The following UGT1A8 variants were observed in gnomAD, a reference collection of about 807,000 sequenced individuals.
UGT1A8 encodes UDP-glucuronosyltransferase 1A8.
In UGT1A8, 39 loss-of-function variants were observed where a neutral mutation model predicts 45.3. The ratio of observed to expected loss-of-function variants is 0.86; its 90% CI spans 0.67 to 1.12. The LOEUF (loss-of-function observed/expected upper bound fraction) is 1.12, where lower values mean the gene tolerates loss of function less well. Among genes scored for constraint, UGT1A8 ranks in the 50% most tolerant of loss-of-function variants. UGT1A8 has a pLI of 0.00. For synonymous variants in UGT1A8, 275 were observed against 249.2 expected, an observed-to-expected ratio of 1.10 and a Z score of -0.97; for missense variants, 719 against 664.9, an observed-to-expected ratio of 1.08 and a Z score of -0.90.
intron 1 of UGT1A8, among the ~76,000 whole-genome samples, chr2:233,737,818 G>C (rs554188879): frequency 2.0e-5 from 3 of 152,134 alleles, no homozygotes; most frequent in South Asian, 2.1e-4. Flanking sequence ...CAGTGGAGCA[G>C]AACAAATTGG....
intron 1 of UGT1A8, chr2:233,636,765 C>A: frequency 6.2e-7 from 1 of 1,614,196 alleles, no homozygotes; most frequent in Non-Finnish European, 8.5e-7. Context: ...CAACCTCGTA[C>A]ACTCTGGAAG....
At chr2:233,734,101 TATAATA>T (rs549143261) in intron 1 of UGT1A8, among the ~76,000 whole-genome samples, 1 of 151,280 alleles carries the variant, frequency 6.6e-6, no homozygotes, top group Admixed American at 6.6e-5. Context: ...AAACTTAAAG[TATAATA>T]ATAATAATAA....
intron 1 of UGT1A8, among the ~76,000 whole-genome samples, chr2:233,645,705 G>C (rs1212879586): frequency 6.6e-6 from 1 of 152,226 alleles, no homozygotes; most frequent in Non-Finnish European, 1.5e-5. Flanking sequence ...TAAGAGGTGA[G>C]TTCCCATGGT....
At chr2:233,645,788 A>G (rs1417103423) in intron 1 of UGT1A8, among the ~76,000 whole-genome samples, 1 of 152,072 alleles carries the variant, frequency 6.6e-6, no homozygotes, top group Non-Finnish European at 1.5e-5. Flanking sequence ...AGTGGCATTG[A>G]GTGTCTGTGG....
At chr2:233,700,152 G>T (rs1277550214) in intron 1 of UGT1A8, among the ~76,000 whole-genome samples, 1 of 152,160 alleles carries the variant, frequency 6.6e-6, no homozygotes, top group African/African-American at 2.4e-5. Context: ...CCCTATAGGG[G>T]TCTTTACAAG....
intron 1 of UGT1A8, chr2:233,739,100 G>A (rs1263190228): frequency 1.3e-5 from 2 of 152,274 alleles, no homozygotes; most frequent in African/African-American, 4.8e-5. Flanking sequence ...TCGATGTGGT[G>A]TTGGGCCTGC....
At chr2:233,680,692 CA>C (rs112385329) in intron 1 of UGT1A8, among the ~76,000 whole-genome samples, 2,141 of 152,216 alleles carry the variant, frequency 0.014, 63 homozygotes, top group African/African-American at 0.049. Flanking sequence ...AGGATGAAAA[CA>C]GGTAGAAGAT....
In UGT1A8 at chr2:233,618,330, G is replaced by A. The variant is rs767497869; in HGVS notation, c.623G>A (p.Arg208Gln). Residue 208 changes from arginine to glutamine, a missense_variant, in exon 1 of 5, where the codon CGG becomes CAG. Arg to Gln is a conservative substitution (Grantham distance 43). Transcript: ENST00000373450. The stretch of plus-strand genomic sequence containing the variant: ...GCCATGACTTTCAAGGAGAGAGTAC[G>A]GAACCACATCATGCACTTGGAGGAA... ...SDAMTFKERV[R>Q]NHIMHLEEHL... 127 of 1,613,708 alleles carry A rather than the reference G, an allele frequency of 7.9e-5. No homozygotes were observed. Among genetic ancestry groups the A allele is most frequent in the East Asian group, 2.5e-4 (11 of 44,878 alleles).
chr2:233,760,544 A>C (rs1287938183), intron 1 of UGT1A8: 1 of 1,614,126 alleles, frequency 6.2e-7, no homozygotes, highest in Non-Finnish European at 8.5e-7. Flanking sequence ...TTCCAAAGGG[A>C]GGATGTGAAA....
chr2:233,671,773 C>T (rs1003663546), intron 1 of UGT1A8: 2 of 1,381,728 alleles, frequency 1.4e-6, no homozygotes, highest in South Asian at 1.8e-5. Context: ...CTCATATATT[C>T]TTGTTCTTTT....
chr2:233,680,326 C>T (rs1013863860), intron 1 of UGT1A8, among the ~76,000 whole-genome samples: 13 of 152,100 alleles, frequency 8.5e-5, no homozygotes, highest in Admixed American at 1.3e-4. Flanking sequence ...AGAGAAGAAA[C>T]GCGCAGAGGG....
intron 4 of UGT1A8, chr2:233,770,023 G>A (rs1575848651): frequency 6.2e-6 from 1 of 160,986 alleles, no homozygotes; most frequent in Non-Finnish European, 1.4e-5. Flanking sequence ...TTCTTTCCCT[G>A]CACTGTTGAA....
intron 1 of UGT1A8, chr2:233,755,784 A>C (rs1162411110): frequency 6.6e-6 from 1 of 152,660 alleles, no homozygotes; most frequent in Non-Finnish European, 1.5e-5. Context: ...TATGCCTATC[A>C]TATGTACTGC....
chr2:233,773,017 C>A lies in UGT1A8; in HGVS notation c.*458C>A. 4.9e-6 allele frequency: 1 copy of A among 206,174 alleles called. No individual in the cohort carries two copies. The allele number at this position is 206,174 out of a possible 1,614,324, so 12.8% of individuals were successfully genotyped here. ...CTCTGTCGTGCTTCATAGGTGCCAC[C>A]TTGTGTGTTTAAAGAAGGGAAGCTT... On this transcript the variant is annotated 3_prime_UTR_variant, in exon 5 of 5. Transcript: ENST00000373450.
chr2:233,693,186 C>G lies in UGT1A8; in HGVS notation c.856-73848C>G. The G allele has an allele frequency of 1.9e-6, 3 of 1,614,092 alleles. No individual in the cohort carries two copies. The Middle Eastern group carries it at 4.9e-4, about 266-fold the overall frequency. ...GGTCATGAGATTGTAGTGGTGGTGCCTGAAGTTAATTTGCTTTTGAAAGAA... is the reference window on the plus strand; with the variant it reads ...GGTCATGAGATTGTAGTGGTGGTGCGTGAAGTTAATTTGCTTTTGAAAGAA... On this transcript the variant is annotated intron_variant, in intron 1 of 4. Transcript: ENST00000373450.
At chr2:233,729,119 C>T in intron 1 of UGT1A8, 2 of 1,613,028 alleles carry the variant, frequency 1.2e-6, no homozygotes, top group East Asian at 2.2e-5. Context: ...TCCGTGTCTT[C>T]TGCTGAGATG....
rs28898574 is a variant in UGT1A8, at chr2:233,691,266, G to A, written c.855+72704G>A. 127 of 985,476 alleles carry A rather than the reference G, an allele frequency of 1.3e-4. No individual in the cohort carries two copies. The East Asian group carries it at 0.01, about 80-fold the overall frequency. The allele number at this position is 985,476 out of a possible 1,614,324, so 61.0% of individuals were successfully genotyped here. On this transcript the variant is annotated intron_variant, in intron 1 of 4. Transcript: ENST00000373450. ...GATGAACTCAAAGCAAGATGCTGCC[G>A]CCCCCATGACTTTGATCATTGTAAG...
chr2:233,712,779 C>G (rs2076254516), intron 1 of UGT1A8, among the ~76,000 whole-genome samples: 1 of 152,186 alleles, frequency 6.6e-6, no homozygotes, highest in Non-Finnish European at 1.5e-5. Flanking sequence ...ATGAGTTTTT[C>G]AAGATAGGAG....
At chr2:233,749,645 C>T (rs1375243273) in intron 1 of UGT1A8, among the ~76,000 whole-genome samples, 7 of 151,834 alleles carry the variant, frequency 4.6e-5, no homozygotes, top group Non-Finnish European at 1.0e-4. Flanking sequence ...CAAATCTCAT[C>T]TTGAATTGTA....
Sources: gnomAD v4.1 joint callset for allele counts (sites outside exome capture counted in the v4.1 genomes callset) on GRCh38, gnomAD v4.1.1 for gene constraint, MANE v1.5 for transcripts, NCBI Gene and HGNC (gene_info 2026-07-23, HGNC 2026-07-21) for gene names.